MARCHF1: variants seen among roughly 807,000 people sequenced by gnomAD.
MARCHF1 encodes E3 ubiquitin-protein ligase MARCHF1.
Under a neutral mutation model 54.2 loss-of-function variants are expected in MARCHF1, and 40 were observed. The ratio of observed to expected loss-of-function variants is 0.74; its 90% confidence interval spans 0.57 to 0.96. MARCHF1 has a LOEUF of 0.96. Among genes scored for constraint, MARCHF1 ranks in the 40% least tolerant of loss-of-function variants. The pLI is 0.00. For missense variants in MARCHF1, 586 were observed against 656.5 expected (o/e 0.89, Z 1.17); for synonymous variants, 236 against 236.3 (o/e 1.00, Z 0.01).
intron 4 of MARCHF1, among the ~76,000 whole-genome samples, chr4:163,748,028 T>C (rs1746411378): frequency 6.6e-6 from 1 of 152,218 alleles, no homozygotes; most frequent in East Asian, 1.9e-4. Flanking sequence ...TAACATTTAT[T>C]GTTCCCCTTT....
intron 1 of MARCHF1, among the ~76,000 whole-genome samples, chr4:164,160,031 T>G (rs150414890): frequency 5.5e-4 from 83 of 149,556 alleles, no homozygotes; most frequent in African/African-American, 2.1e-3. Flanking sequence ...TAAAATATTG[T>G]ACTTCAGACA....
At chr4:163,779,279 A>C (rs978726951) in intron 4 of MARCHF1, among the ~76,000 whole-genome samples, 13 of 152,330 alleles carry the variant, frequency 8.5e-5, no homozygotes, top group Non-Finnish European at 1.8e-4. Flanking sequence ...ATGATATAAA[A>C]AATTGGAGTG....
At chr4:164,160,203 T>C (rs1374976578) in intron 1 of MARCHF1, among the ~76,000 whole-genome samples, 1 of 152,140 alleles carries the variant, frequency 6.6e-6, no homozygotes, top group Non-Finnish European at 1.5e-5. Context: ...TTCTGAGAAA[T>C]GCATCCTTGG....
intron 4 of MARCHF1, among the ~76,000 whole-genome samples, chr4:163,774,809 T>C (rs1033444214): frequency 2.0e-5 from 3 of 152,180 alleles, no homozygotes; most frequent in African/African-American, 7.2e-5. Context: ...TTAGGCATTT[T>C]GATAACTCTT....
At chr4:164,002,756 G>T (rs1753210707) in intron 2 of MARCHF1, among the ~76,000 whole-genome samples, 1 of 151,828 alleles carries the variant, frequency 6.6e-6, no homozygotes, top group Non-Finnish European at 1.5e-5. Flanking sequence ...TCAGATACAG[G>T]TATGCCAAAT....
At chr4:164,164,153 T>TTCAAC (rs1381554673) in intron 1 of MARCHF1, among the ~76,000 whole-genome samples, 1 of 151,914 alleles carries the variant, frequency 6.6e-6, no homozygotes, top group African/African-American at 2.4e-5. Flanking sequence ...AGTAAAATAC[T>TTCAAC]TCAACTTCTT....
chr4:164,281,886 T>C (rs903111743), intron 1 of MARCHF1, among the ~76,000 whole-genome samples: 4 of 151,432 alleles, frequency 2.6e-5, no homozygotes, highest in Admixed American at 2.0e-4. Context: ...GAACTCATTA[T>C]AAAATGTCCC....
chr4:163,880,546 A>G (rs2111242139), intron 3 of MARCHF1, among the ~76,000 whole-genome samples: 1 of 151,744 alleles, frequency 6.6e-6, no homozygotes, highest in East Asian at 1.9e-4. Flanking sequence ...TACTATTACT[A>G]CATAAAAATT....
Position 163,770,240 on chromosome 4 carries a change from C to T in MARCHF1, c.112-69377G>A, listed in dbSNP as rs567599295. ...ACAGAAATTTTTGACTGCATAGGGG[C>T]GGCTGTGCCCCAACTTCCACATTGT... is the stretch of plus-strand genomic sequence containing the variant. On this transcript the variant is annotated intron_variant, in intron 4 of 9. Coordinates refer to ENST00000514618, the MANE Select transcript of MARCHF1 (RefSeq NM_001394959.1). Among the ~76,000 whole-genome samples, 9 of 152,138 alleles carry T rather than the reference C, an allele frequency of 5.9e-5. No homozygotes were observed. The East Asian group carries it at 7.7e-4, about 13-fold the overall frequency.
chr4:164,341,577 G>A (rs1272921965), intron 1 of MARCHF1, among the ~76,000 whole-genome samples: 2 of 152,170 alleles, frequency 1.3e-5, no homozygotes, highest in Non-Finnish European at 2.9e-5. Context: ...CCAAGATCAA[G>A]GCAGATTTTT....
intron 4 of MARCHF1, among the ~76,000 whole-genome samples, chr4:163,772,573 G>A (rs6853966): frequency 0.033 from 5,096 of 152,250 alleles, 271 homozygotes; most frequent in East Asian, 0.22. Context: ...GCTGTCAGCA[G>A]GGGGTCACTC....
chr4:163,911,494 A>G (rs1336469428), intron 3 of MARCHF1, among the ~76,000 whole-genome samples: 2 of 152,162 alleles, frequency 1.3e-5, no homozygotes, highest in African/African-American at 4.8e-5. Flanking sequence ...AGATCATCTA[A>G]TCATCCACTT....
chr4:163,613,532 T>C (rs762200567), intron 5 of MARCHF1, 139 bp from the exon 6 acceptor site: 2 of 1,570,086 alleles, frequency 1.3e-6, no homozygotes, highest in African/African-American at 2.7e-5. Flanking sequence ...ACAGAGAATA[T>C]AGGAAGTTTG....
chr4:163,542,946 T>G (rs1171843519), intron 9 of MARCHF1, among the ~76,000 whole-genome samples: 1 of 151,626 alleles, frequency 6.6e-6, no homozygotes, highest in East Asian at 1.9e-4. Flanking sequence ...AGTGTTTGAG[T>G]GTGTGTGGTG....
chr4:163,537,707 G>T (rs1738586205), intron 9 of MARCHF1, among the ~76,000 whole-genome samples: 1 of 152,140 alleles, frequency 6.6e-6, no homozygotes, highest in African/African-American at 2.4e-5. Flanking sequence ...AAAAGAGCAG[G>T]CATTCTCTCT....
intron 4 of MARCHF1, among the ~76,000 whole-genome samples, chr4:163,824,988 A>G (rs1363177290): frequency 2.6e-5 from 4 of 151,230 alleles, no homozygotes; most frequent in Non-Finnish European, 4.4e-5. Flanking sequence ...AAGTCAGGAA[A>G]CAACAGGTGC....
At chr4:163,704,098 A>G (rs932361320) in intron 4 of MARCHF1, among the ~76,000 whole-genome samples, 9 of 151,094 alleles carry the variant, frequency 6.0e-5, no homozygotes, top group Non-Finnish European at 1.2e-4. Flanking sequence ...AGCTTAAAAA[A>G]GTTTTTTTTT....
In MARCHF1 at chr4:163,712,738, T is replaced by G. The variant is rs76114524; in HGVS notation, c.112-11875A>C. Among the ~76,000 whole-genome samples, 1,458 of 152,280 alleles carry G rather than the reference T, an allele frequency of 9.6e-3. 11 individuals are homozygous for G. The highest frequency in any genetic ancestry group is 0.015 in the Non-Finnish European group (999 of 68,010). On this transcript the variant is annotated intron_variant, in intron 4 of 9. Coordinates refer to ENST00000514618, the MANE Select transcript of MARCHF1 (RefSeq NM_001394959.1). ...GGTTGAACAAATAGACACAAGGACT[T>G]AAATACGGATCAGAACAAAGTGCCA...
intron 5 of MARCHF1, among the ~76,000 whole-genome samples, chr4:163,641,177 G>C (rs959291723): frequency 1.3e-5 from 2 of 152,072 alleles, no homozygotes; most frequent in Non-Finnish European, 2.9e-5. Context: ...TTTCTAAATA[G>C]TGTCTGCTAT....
Sources: allele counts gnomAD v4.1 joint callset (sites outside exome capture counted in the v4.1 genomes callset), GRCh38; gene constraint gnomAD v4.1.1; transcripts MANE v1.5; gene names NCBI Gene and HGNC (gene_info 2026-07-23, HGNC 2026-07-21).